Variants in LARP4B observed in about 807,000 individuals in gnomAD.
LARP4B encodes the protein La ribonucleoprotein 4B.
LARP4B carries 12 observed loss-of-function variants against 89.8 expected under a neutral mutation model. The ratio of observed to expected loss-of-function variants is 0.13; its 90% CI spans 0.09 to 0.22. The LOEUF (loss-of-function observed/expected upper bound fraction) is 0.22. Among genes scored for constraint, LARP4B ranks in the 10% least tolerant of loss-of-function variants. LARP4B has a pLI of 1.00. For synonymous variants in LARP4B, 367 were observed against 363.3 expected (o/e 1.01, Z -0.12); for missense variants, 757 against 947.7 (o/e 0.80, Z 2.64).
chr10:943,878 G>A, the LARP4B span, among the ~76,000 whole-genome samples: 1 of 151,968 alleles, frequency 6.6e-6, no homozygotes, highest in Non-Finnish European at 1.5e-5. Context: ...CATCAGAGCC[G>A]CTGCTTTATC....
chr10:912,809 C>CAG (rs1163001536), intron 1 of LARP4B, among the ~76,000 whole-genome samples: 6 of 151,880 alleles, frequency 4.0e-5, no homozygotes, highest in Non-Finnish European at 7.4e-5. Flanking sequence ...GCCTGGGAGG[C>CAG]AGAGGTTGCA....
the LARP4B span, among the ~76,000 whole-genome samples, chr10:969,594 G>A: frequency 2.7e-4 from 41 of 152,232 alleles, no homozygotes; most frequent in African/African-American, 9.4e-4. Flanking sequence ...GCCAGGCGTG[G>A]TGGCACACGC....
the LARP4B span, among the ~76,000 whole-genome samples, chr10:946,895 G>T: frequency 1.3e-5 from 2 of 151,992 alleles, no homozygotes; most frequent in Non-Finnish European, 2.9e-5. Context: ...TTGAGACAGA[G>T]TCTTGCTCTG....
the LARP4B span, among the ~76,000 whole-genome samples, chr10:952,318 T>C: frequency 8.7e-6 from 1 of 114,846 alleles, no homozygotes; most frequent in South Asian, 2.7e-4. Flanking sequence ...CCAGCCTGGG[T>C]GACAGAGCGA....
chr10:928,598 G>C (rs936092669), intron 1 of LARP4B, among the ~76,000 whole-genome samples: 1 of 151,996 alleles, frequency 6.6e-6, no homozygotes, highest in African/African-American at 2.4e-5. Flanking sequence ...TTTGGGGGTG[G>C]GGGGAGACAA....
chr10:862,320 T>G (rs1362707575), intron 5 of LARP4B, among the ~76,000 whole-genome samples: 1 of 146,182 alleles, frequency 6.8e-6, no homozygotes, highest in Non-Finnish European at 1.5e-5. Context: ...CCCTCTTAAG[T>G]GACAGTTTCT....
chr10:900,263 C>T (rs1836297799), intron 1 of LARP4B, among the ~76,000 whole-genome samples: 1 of 152,032 alleles, frequency 6.6e-6, no homozygotes, highest in Admixed American at 6.6e-5. Context: ...AGGAGAATTG[C>T]TTGAACCTGG....
chr10:835,352 C>T (rs1210297579), intron 8 of LARP4B, among the ~76,000 whole-genome samples: 2 of 152,198 alleles, frequency 1.3e-5, no homozygotes, highest in Non-Finnish European at 2.9e-5. Context: ...GCCTGAACCG[C>T]AACGTCCATC....
intron 1 of LARP4B, among the ~76,000 whole-genome samples, chr10:894,662 G>GTT (rs1836134606): frequency 2.0e-5 from 3 of 152,098 alleles, no homozygotes; most frequent in African/African-American, 7.2e-5. Context: ...CCATAGTATT[G>GTT]TTATATTTAT....
chr10:926,413 G>A (rs1837133053), intron 1 of LARP4B, among the ~76,000 whole-genome samples: 1 of 152,176 alleles, frequency 6.6e-6, no homozygotes, highest in South Asian at 2.1e-4. Flanking sequence ...CAACAGCAAT[G>A]GCTACAACGT....
the LARP4B span, among the ~76,000 whole-genome samples, chr10:983,958 C>G: frequency 9.2e-5 from 14 of 152,284 alleles, no homozygotes; most frequent in African/African-American, 3.4e-4. Context: ...AGGAAAGGCA[C>G]TTAGCTTACT....
intron 1 of LARP4B, among the ~76,000 whole-genome samples, chr10:898,159 G>A (rs1295138696): frequency 6.6e-6 from 1 of 152,102 alleles, no homozygotes; most frequent in Non-Finnish European, 1.5e-5. Flanking sequence ...TAAATAAAAT[G>A]AAGTAAATAC....
chr10:899,221 T>C (rs1477195166), intron 1 of LARP4B, among the ~76,000 whole-genome samples: 1 of 152,234 alleles, frequency 6.6e-6, no homozygotes, highest in Non-Finnish European at 1.5e-5. Context: ...TAATATTAAA[T>C]ACATTGTACC....
chr10:823,703 C>A (rs1399125808), intron 13 of LARP4B, among the ~76,000 whole-genome samples: 1 of 151,786 alleles, frequency 6.6e-6, no homozygotes, highest in Admixed American at 6.6e-5. Flanking sequence ...AAGTCTGAGC[C>A]CCAGCTCTGC....
intron 1 of LARP4B, among the ~76,000 whole-genome samples, chr10:912,659 C>G (rs1466613482): frequency 1.4e-5 from 2 of 143,322 alleles, no homozygotes; most frequent in African/African-American, 5.1e-5. Flanking sequence ...ATCCCTTGAG[C>G]TCAAGAGGTC....
intron 1 of LARP4B, among the ~76,000 whole-genome samples, chr10:913,546 A>T (rs950506212): frequency 1.1e-4 from 16 of 152,350 alleles, no homozygotes; most frequent in Middle Eastern, 3.4e-3. Flanking sequence ...CATTCATTTA[A>T]CTCTAGGGTT....
chr10:912,637 T>C (rs1399563528), intron 1 of LARP4B, among the ~76,000 whole-genome samples: 2 of 143,080 alleles, frequency 1.4e-5, no homozygotes, highest in African/African-American at 5.2e-5. Flanking sequence ...TTTGGGAGGC[T>C]GAGGCGGGCA....
At chr10:910,405 C>G (rs1282756201) in intron 1 of LARP4B, among the ~76,000 whole-genome samples, 3 of 152,182 alleles carry the variant, frequency 2.0e-5, no homozygotes, top group African/African-American at 7.2e-5. Flanking sequence ...TTCAGAATGT[C>G]TCCCCTCAAT....
intron 1 of LARP4B, among the ~76,000 whole-genome samples, chr10:918,463 T>C (rs576260616): frequency 6.6e-6 from 1 of 151,726 alleles, no homozygotes; most frequent in Admixed American, 6.6e-5. Flanking sequence ...TGAAAACCCA[T>C]CTCTACAAAA....
Sources: gnomAD v4.1 joint callset for allele counts (sites outside exome capture counted in the v4.1 genomes callset) on GRCh38, gnomAD v4.1.1 for gene constraint, MANE v1.5 for transcripts, NCBI Gene and HGNC (gene_info 2026-07-23, HGNC 2026-07-21) for gene names.